MRPS9: variants seen among roughly 807,000 people sequenced by gnomAD.
MRPS9 encodes the protein mitochondrial ribosomal protein S9, also known as small ribosomal subunit protein uS9m.
Under a neutral mutation model 59.9 loss-of-function variants are expected in MRPS9, and 45 were observed. The observed-to-expected ratio is 0.75, with a 90% CI of 0.59 to 0.96. The LOEUF (loss-of-function observed/expected upper bound fraction) is 0.96, where lower values mean the gene tolerates loss of function less well. MRPS9 is among the 40% of genes least tolerant of loss of function. MRPS9 has a pLI of 0.00. For synonymous variants in MRPS9, 171 were observed against 166.8 expected (o/e 1.03, Z -0.19); for missense variants, 473 against 481.1 (o/e 0.98, Z 0.16).
At chr2:105,098,169 T>C (rs1057237121) in intron 10 of MRPS9, 2 of 152,342 alleles carry the variant, frequency 1.3e-5, no homozygotes, top group African/African-American at 4.8e-5. Context: ...CCCTGTGTAA[T>C]GTGAAAAAGG....
chr2:105,099,792 C>CTA lies in MRPS9; in HGVS notation c.*39_*40dup. On this transcript the variant is annotated 3_prime_UTR_variant, in exon 11 of 11. Transcript: ENST00000258455. Reference sequence around the variant, plus strand: ...TGCTCCCAGGAAAGGAGAGGAAGAGCTATATATATGTGCCGACATGTGGCA... The same window carrying CTA: ...TGCTCCCAGGAAAGGAGAGGAAGAGCTATATATATATGTGCCGACATGTGGCA... 4 of 1,602,968 alleles carry CTA rather than the reference C, an allele frequency of 2.5e-6. No homozygotes were observed. In the South Asian group the frequency reaches 3.3e-5, roughly 13 times the overall value.
At chr2:105,072,670 A>T (rs190301839) in intron 4 of MRPS9, among the ~76,000 whole-genome samples, 3 of 152,318 alleles carry the variant, frequency 2.0e-5, no homozygotes, top group Admixed American at 2.0e-4. Context: ...AGGCCGCTTT[A>T]TCAGTGTGTT....
rs1174300091 is a variant in MRPS9 at position 105,078,141 on chromosome 2, C to T, written c.410-1842C>T. Among the ~76,000 whole-genome samples the T allele has an allele frequency of 7.1e-5, 9 of 127,114 alleles. 1 individual carries two copies. Among genetic ancestry groups the T allele is most frequent in the African/African-American group, 1.2e-4 (4 of 33,342 alleles). 83.4% of individuals were successfully genotyped at this position (127,114 alleles called of 152,430 possible). Reference sequence around the variant, plus strand: ...GTGCCTTATTCAGTTAATTCTAAGACTTTTTTTTTTTTTTTTTTCAAATTT... The same window carrying T: ...GTGCCTTATTCAGTTAATTCTAAGATTTTTTTTTTTTTTTTTTTCAAATTT... On this transcript the variant is annotated intron_variant, in intron 4 of 10. Coordinates refer to ENST00000258455, the MANE Select transcript of MRPS9 (RefSeq NM_182640.3).
At chr2:105,047,696 A>G (rs1200990848) in intron 1 of MRPS9, among the ~76,000 whole-genome samples, 1 of 152,106 alleles carries the variant, frequency 6.6e-6, no homozygotes, top group Non-Finnish European at 1.5e-5. Context: ...GATCTGTTCT[A>G]GTTATTTCCA....
At chr2:105,070,870 C>T (rs1218623298) in intron 2 of MRPS9, among the ~76,000 whole-genome samples, 2 of 151,668 alleles carry the variant, frequency 1.3e-5, no homozygotes, top group African/African-American at 4.8e-5. Context: ...TTTAAAAACT[C>T]TGGAAAAAGT....
intron 5 of MRPS9, among the ~76,000 whole-genome samples, chr2:105,084,151 T>C (rs1680402144): frequency 6.6e-6 from 1 of 151,994 alleles, no homozygotes; most frequent in African/African-American, 2.4e-5. Flanking sequence ...ACTTCATTTA[T>C]GTTTTAGAAC....
intron 8 of MRPS9, 31 bp from the exon 9 acceptor site, chr2:105,093,499 A>G (rs767785122): frequency 7.3e-7 from 1 of 1,365,480 alleles, no homozygotes; most frequent in Non-Finnish European, 1.0e-6. Flanking sequence ...TCTTCAAGAT[A>G]TTTACTAATA....
chr2:105,038,146 C>A lies in MRPS9; in HGVS notation c.54C>A (p.Leu18=). ...GAGCAGTTTCGTACCGGCTTCTTCT[C>A]TGGGGTAGGGGTAGCCTCGCCCGGA... The part of the protein sequence containing the change: ...YGGAVSYRLL[L]WGRGSLARKQ... Residue 18 remains leucine, a synonymous_variant, in exon 1 of 11, where the codon CTC becomes CTA. Transcript: ENST00000258455. The A allele has an allele frequency of 6.2e-7, 1 of 1,613,902 alleles. No individual in the cohort carries two copies. The highest frequency in any genetic ancestry group is 1.1e-5 in the South Asian group (1 of 90,992).
At chr2:105,055,884 T>G (rs1437459905) in intron 2 of MRPS9, among the ~76,000 whole-genome samples, 2 of 152,332 alleles carry the variant, frequency 1.3e-5, no homozygotes, top group African/African-American at 2.4e-5. Context: ...AAGAAAATAT[T>G]TTAAGCTTCC....
At chr2:105,040,873 G>T (rs1208228173) in intron 1 of MRPS9, among the ~76,000 whole-genome samples, 2 of 152,144 alleles carry the variant, frequency 1.3e-5, no homozygotes, top group African/African-American at 4.8e-5. Context: ...CTTCCCAGAG[G>T]AGGCAAAGGA....
chr2:105,046,221 C>T (rs995841518), intron 1 of MRPS9, among the ~76,000 whole-genome samples: 8 of 151,992 alleles, frequency 5.3e-5, no homozygotes, highest in African/African-American at 1.9e-4. Context: ...CACTGCATCA[C>T]AGTTCTTTGA....
chr2:105,099,851 G>A lies in MRPS9; in HGVS notation c.*90G>A. 1.9e-6 allele frequency: 2 copies of A among 1,061,858 alleles called. No individual in the cohort carries two copies. The highest frequency in any genetic ancestry group is 3.5e-5 in the South Asian group (2 of 57,546). 65.8% of individuals were successfully genotyped at this position (1,061,858 alleles called of 1,614,324 possible). On this transcript the variant is annotated 3_prime_UTR_variant, in exon 11 of 11. Coordinates refer to ENST00000258455, the MANE Select transcript of MRPS9 (RefSeq NM_182640.3). ...GTAAATAATGGCTGACCAGCATGAG[G>A]GCAGTACTGTCAGAAATTTCTTTGA...
chr2:105,072,573 C>T (rs1680133659), intron 4 of MRPS9, among the ~76,000 whole-genome samples: 1 of 152,088 alleles, frequency 6.6e-6, no homozygotes, highest in Non-Finnish European at 1.5e-5. Flanking sequence ...TGGGAGTAAA[C>T]ATAACTATTA....
intron 1 of MRPS9, among the ~76,000 whole-genome samples, chr2:105,043,125 T>C (rs989037480): frequency 6.6e-6 from 1 of 152,230 alleles, no homozygotes; most frequent in Non-Finnish European, 1.5e-5. Context: ...CTATTACCTA[T>C]TTCATGTTCA....
intron 1 of MRPS9, among the ~76,000 whole-genome samples, chr2:105,039,845 C>G (rs916837344): frequency 6.6e-6 from 1 of 152,164 alleles, no homozygotes; most frequent in Non-Finnish European, 1.5e-5. Flanking sequence ...AATGATTTCT[C>G]CTGTTACTTT....
At chr2:105,059,930 C>T (rs967940766) in intron 2 of MRPS9, among the ~76,000 whole-genome samples, 1 of 148,304 alleles carries the variant, frequency 6.7e-6, no homozygotes, top group Non-Finnish European at 1.5e-5. Flanking sequence ...TTCTGGTTGA[C>T]CTAATTTTAC....
At chr2:105,072,719 T>C (rs1184748009) in intron 4 of MRPS9, among the ~76,000 whole-genome samples, 1 of 152,334 alleles carries the variant, frequency 6.6e-6, no homozygotes, top group East Asian at 1.9e-4. Flanking sequence ...CAGATATTTC[T>C]ATAGAAGACT....
At position 105,097,334 on chromosome 2, in the gene MRPS9, T is replaced by C; in HGVS notation, c.1099+10T>C. 2 of 1,582,632 alleles carry C rather than the reference T, an allele frequency of 1.3e-6. No individual in the cohort carries two copies. The highest frequency in any genetic ancestry group is 1.7e-6 in the Non-Finnish European group (2 of 1,164,012). ...GAGTGGATGAGACAAGGTATGAGTCTAGGTGGGACGGGCATGGTGGCCCAA... is the reference window on the plus strand; with the variant it reads ...GAGTGGATGAGACAAGGTATGAGTCCAGGTGGGACGGGCATGGTGGCCCAA... On this transcript the variant is annotated intron_variant, in intron 10 of 10. Transcript: ENST00000258455.
chr2:105,038,125 A>G lies in MRPS9; in HGVS notation c.33A>G (p.Ala11=). MAAPCVSYGG[A]VSYRLLLWGR... Reference sequence around the variant, plus strand: ...CGCCCTGTGTGTCCTACGGCGGAGCAGTTTCGTACCGGCTTCTTCTCTGGG... The same window carrying G: ...CGCCCTGTGTGTCCTACGGCGGAGCGGTTTCGTACCGGCTTCTTCTCTGGG... Residue 11 remains alanine (A), a synonymous_variant, in exon 1 of 11, where the codon GCA becomes GCG. Transcript: ENST00000258455. 6.2e-7 allele frequency: 1 copy of G among 1,613,914 alleles called. No individual in the cohort carries two copies. Among genetic ancestry groups the G allele is most frequent in the Non-Finnish European group, 8.5e-7 (1 of 1,179,990 alleles).
Sources: gnomAD v4.1 joint callset for allele counts (sites outside exome capture counted in the v4.1 genomes callset) on GRCh38, gnomAD v4.1.1 for gene constraint, MANE v1.5 for transcripts, NCBI Gene and HGNC (gene_info 2026-07-23, HGNC 2026-07-21) for gene names.